Variants in IL18BP observed in about 807,000 individuals in gnomAD.
IL18BP encodes the protein interleukin 18 binding protein.
Under a neutral mutation model 19.9 loss-of-function variants are expected in IL18BP, and 23 were observed. The ratio of observed to expected loss-of-function variants is 1.15; its 90% CI spans 0.83 to 1.64. The LOEUF (loss-of-function observed/expected upper bound fraction) is 1.64, where lower values mean the gene tolerates loss of function less well. IL18BP is among the 40% of genes most tolerant of loss of function. The probability of loss-of-function intolerance (pLI) is 0.00; values close to 1 mark genes in which losing one functional copy is unlikely to be tolerated. For synonymous variants in IL18BP, 107 were observed against 101.0 expected, an observed-to-expected ratio of 1.06 and a Z score of -0.35; for missense variants, 239 against 240.7, an observed-to-expected ratio of 0.99 and a Z score of 0.05.
rs569118340 is a variant in IL18BP at position 72,001,942 on chromosome 11, ACTGC to A, written c.*85_*88del. The A allele has an allele frequency of 2.7e-4, 423 of 1,593,500 alleles. 3 individuals are homozygous for A. In the East Asian group the frequency reaches 9.1e-3, roughly 34 times the overall value. On this transcript the variant is annotated 3_prime_UTR_variant, in exon 6 of 6. Transcript: ENST00000393703. ...GTCTACCTGGAGTGAACAGTCCCTG[ACTGC>A]CTGTAGGCTGCGTGGATGCGCAACA...
At chr11:72,005,634 T>A, downstream of IL18BP, 1 of 519,488 alleles carries the variant, frequency 1.9e-6, no homozygotes, top group South Asian at 2.7e-5. Context: ...CAAGGCTTGG[T>A]GGCCAACACC....
chr11:72,005,888 G>A, downstream of IL18BP: 1 of 691,574 alleles, frequency 1.4e-6, no homozygotes, highest in South Asian at 1.9e-5. Flanking sequence ...GGAAGGCCCT[G>A]AGGCTGCAGG....
downstream of IL18BP, chr11:72,007,437 T>C (rs1248441855): frequency 6.2e-7 from 1 of 1,613,168 alleles, no homozygotes; most frequent in Admixed American, 1.7e-5. Flanking sequence ...GGCAGCTTGC[T>C]ATGGAAAGGA....
At chr11:72,007,325 G>A (rs1955799267), downstream of IL18BP, 2 of 1,613,534 alleles carry the variant, frequency 1.2e-6, no homozygotes, top group Non-Finnish European at 1.7e-6. Context: ...AGGGATGGGA[G>A]TGAAGTAGAG....
chr11:72,004,509 T>G, downstream of IL18BP: 2 of 1,230,878 alleles, frequency 1.6e-6, no homozygotes, highest in Non-Finnish European at 2.3e-6. Flanking sequence ...CATCCATGGG[T>G]CAGGCCCTTG....
chr11:72,001,207 C>G lies in IL18BP; in HGVS notation c.242C>G (p.Thr81Arg). 1 of 1,614,134 alleles carries G rather than the reference C, an allele frequency of 6.2e-7. No individual in the cohort carries two copies. The highest frequency in any genetic ancestry group is 1.1e-5 in the South Asian group (1 of 91,074). The part of the protein sequence containing the change: ...WPEVEVPLNG[T>R]LSLSCVACSR... ...CTGCTGCCTGTGTCCCTAGATGGAACGCTGAGCTTATCCTGTGTGGCCTGC... is the reference window on the plus strand; with the variant it reads ...CTGCTGCCTGTGTCCCTAGATGGAAGGCTGAGCTTATCCTGTGTGGCCTGC... The change falls in exon 4 of 6, where the codon ACG (threonine) becomes AGG (arginine). Residue 81 changes from threonine to arginine, a missense_variant. By Grantham distance (71) the Thr-to-Arg change is moderately conservative. Coordinates refer to ENST00000393703, the MANE Select transcript of IL18BP (RefSeq NM_001039660.2).
At chr11:72,007,634 T>C, downstream of IL18BP, 1 of 650,798 alleles carries the variant, frequency 1.5e-6, no homozygotes, top group East Asian at 2.9e-5. Flanking sequence ...CTTCTCCTAA[T>C]AGCTCCTCAT....
At chr11:72,007,456 G>A (rs1331787027), downstream of IL18BP, 9 of 1,611,868 alleles carry the variant, frequency 5.6e-6, no homozygotes, top group Non-Finnish European at 7.6e-6. Flanking sequence ...GAAACCTGCT[G>A]AGGTACAGTC....
At chr11:72,006,245 G>C, downstream of IL18BP, 2 of 1,614,084 alleles carry the variant, frequency 1.2e-6, no homozygotes, top group South Asian at 1.1e-5. Flanking sequence ...GCGCTGTCTG[G>C]CTCTTCCACA....
intron 3 of IL18BP, 35 bp from the exon 4 acceptor site, chr11:72,001,166 T>C: frequency 1.2e-6 from 2 of 1,613,370 alleles, no homozygotes; most frequent in Non-Finnish European, 1.7e-6. Context: ...AAGGGCCTGC[T>C]CTTCTGAAGA....
intron 2 of IL18BP, 134 bp from the exon 3 acceptor site, chr11:72,000,217 G>A (rs1955137677): frequency 1.1e-6 from 1 of 880,328 alleles, no homozygotes. Flanking sequence ...GCTAAGGGGT[G>A]GGTGCTGAGG....
downstream of IL18BP, chr11:72,004,896 C>T (rs978061014): frequency 7.4e-7 from 1 of 1,354,388 alleles, no homozygotes; most frequent in African/African-American, 1.5e-5. Context: ...CAGAACTCTA[C>T]ACTCGCCCGA....
intron 2 of IL18BP, 95 bp from the exon 3 acceptor site, chr11:72,000,256 C>G: frequency 3.4e-6 from 4 of 1,179,832 alleles, no homozygotes; most frequent in Non-Finnish European, 5.0e-6. Context: ...GATTCCCTGG[C>G]TAGAACCCAG....
At chr11:72,006,270 G>GA, downstream of IL18BP, 1 of 1,613,116 alleles carries the variant, frequency 6.2e-7, no homozygotes, top group Non-Finnish European at 8.5e-7. Flanking sequence ...GCTTCTGGAA[G>GA]ACAGAGTGAA....
chr11:72,003,319 A>G (rs1955388273), downstream of IL18BP: 3 of 605,442 alleles, frequency 5.0e-6, no homozygotes, highest in South Asian at 4.1e-5. Flanking sequence ...CACACTGTCC[A>G]TGCTCCAGGC....
chr11:72,000,340 C>T lies in IL18BP; in HGVS notation c.29-11C>T. 6.2e-6 allele frequency: 10 copies of T among 1,612,490 alleles called. No homozygotes were observed. The highest frequency in any genetic ancestry group is 8.5e-6 in the Non-Finnish European group (10 of 1,179,272). On this transcript the variant is annotated splice_polypyrimidine_tract_variant and intron_variant, in intron 2 of 5. Coordinates refer to ENST00000393703, the MANE Select transcript of IL18BP (RefSeq NM_001039660.2). ...TCCAGAGCCGCTGACCTGTAACTGTCCTTTCCTCAGACCTCAGCCCTTTGT... is the reference window on the plus strand; with the variant it reads ...TCCAGAGCCGCTGACCTGTAACTGTTCTTTCCTCAGACCTCAGCCCTTTGT...
chr11:71,999,342 C>CT (rs1384864864), intron 1 of IL18BP: 1 of 347,126 alleles, frequency 2.9e-6, no homozygotes, highest in East Asian at 8.0e-5. Flanking sequence ...CACCAAAGTC[C>CT]TGACACTTGG....
chr11:72,004,949 C>T, downstream of IL18BP: 3 of 923,626 alleles, frequency 3.2e-6, no homozygotes, highest in Non-Finnish European at 4.7e-6. Flanking sequence ...GGTAGAAAGA[C>T]ACAAGGCCTC....
At position 72,000,373 on chromosome 11, in the gene IL18BP, G is replaced by A. The variant is rs773148218; in HGVS notation, c.51G>A (p.Leu17=). The change falls in exon 3 of 6, where the codon CTG becomes CTA. Residue 17 remains leucine (L), a synonymous_variant. Coordinates refer to ENST00000393703, the MANE Select transcript of IL18BP (RefSeq NM_001039660.2). ...CAGACCTCAGCCCTTTGTGGGTCCT[G>A]CTCCTGTGTGCCCACGTCGTCACTC... is the stretch of plus-strand genomic sequence containing the variant. ...WTPDLSPLWV[L]LLCAHVVTLL... is the part of the protein sequence containing the mutation. 6.2e-7 allele frequency: 1 copy of A among 1,613,902 alleles called. No homozygotes were observed. Among genetic ancestry groups the A allele is most frequent in the Non-Finnish European group, 8.5e-7 (1 of 1,180,006 alleles).
Sources: gnomAD v4.1 joint callset for allele counts on GRCh38, gnomAD v4.1.1 for gene constraint, MANE v1.5 for transcripts, NCBI Gene and HGNC (gene_info 2026-07-23, HGNC 2026-07-21) for gene names.